The following CYP7B1 variants were observed in gnomAD, a reference collection of about 807,000 sequenced individuals.
The protein encoded by CYP7B1 is cytochrome P450 family 7 subfamily B member 1.
CYP7B1 carries 29 observed loss-of-function variants against 42.7 expected under a neutral mutation model. The observed-to-expected ratio is 0.68, with a 90% CI of 0.51 to 0.93. The LOEUF (loss-of-function observed/expected upper bound fraction) is 0.93. CYP7B1 is among the 40% of genes least tolerant of loss of function. The probability of loss-of-function intolerance (pLI) is 0.00; values close to 1 mark genes in which losing one functional copy is unlikely to be tolerated. For synonymous variants in CYP7B1, 235 were observed against 218.2 expected, an observed-to-expected ratio of 1.08 and a Z score of -0.68; for missense variants, 655 against 600.5, an observed-to-expected ratio of 1.09 and a Z score of -0.95.
In CYP7B1 at chr8:64,798,467, T is replaced by A. The variant is rs1804744717; in HGVS notation, c.121A>T (p.Arg41Trp). ...LALCLLVRRT[R>W]RPGEPPLIKG... The stretch of plus-strand genomic sequence containing the variant: ...TGGCCTGGCGGCCGAGGCGCTTACC[T>A]GGTGCGCCGGACAAGCAAGCAGAGG... Residue 41 changes from arginine to tryptophan, a missense_variant and splice_region_variant, in exon 1 of 6, where the codon AGG becomes TGG. Arg to Trp is a moderately radical substitution (Grantham distance 101). Coordinates refer to ENST00000310193, the MANE Select transcript of CYP7B1 (RefSeq NM_004820.5). 6.6e-7 allele frequency: 1 copy of A among 1,511,750 alleles called. No individual in the cohort carries two copies. The highest frequency in any genetic ancestry group is 8.8e-7 in the Non-Finnish European group (1 of 1,138,562). The allele number at this position is 1,511,750 out of a possible 1,614,324, so 93.6% of individuals were successfully genotyped here.
At chr8:64,703,182 C>A (rs745972931) in intron 1 of CYP7B1, among the ~76,000 whole-genome samples, 11 of 151,868 alleles carry the variant, frequency 7.2e-5, no homozygotes, top group Non-Finnish European at 1.2e-4. Flanking sequence ...ATACGAAATT[C>A]TATCTTTTTA....
intron 1 of CYP7B1, among the ~76,000 whole-genome samples, chr8:64,632,509 G>C (rs1012206546): frequency 2.0e-5 from 3 of 152,028 alleles, no homozygotes; most frequent in Non-Finnish European, 4.4e-5. Flanking sequence ...GTACAACATT[G>C]TATGTATAGT....
chr8:64,788,256 G>T (rs1367595403), intron 1 of CYP7B1, among the ~76,000 whole-genome samples: 1 of 152,186 alleles, frequency 6.6e-6, no homozygotes, highest in African/African-American at 2.4e-5. Context: ...TAATAGTAAG[G>T]GAATTGAAGG....
At chr8:64,625,232 C>T (rs1465539588) in intron 1 of CYP7B1, among the ~76,000 whole-genome samples, 10 of 152,146 alleles carry the variant, frequency 6.6e-5, no homozygotes, top group African/African-American at 1.4e-4. Flanking sequence ...CTCGGCCTCC[C>T]GAAGTGCTGG....
intron 1 of CYP7B1, among the ~76,000 whole-genome samples, chr8:64,745,491 T>C (rs1807630270): frequency 6.6e-6 from 1 of 152,208 alleles, no homozygotes; most frequent in Admixed American, 6.6e-5. Flanking sequence ...TCTACATTTA[T>C]AGTGTGCAGA....
chr8:64,640,899 G>A lies in CYP7B1; in HGVS notation c.123-16360C>T, dbSNP rs533692483. Among the ~76,000 whole-genome samples, 383 of 152,244 alleles carry A rather than the reference G, an allele frequency of 2.5e-3. 3 individuals are homozygous for A. The highest frequency in any genetic ancestry group is 3.9e-3 in the Non-Finnish European group (264 of 67,994). On this transcript the variant is annotated intron_variant, in intron 1 of 5. Transcript: ENST00000310193. ...AGCCCAGAGGTGATAATCCTATAAAGTAAATAAGCATAAGATGTTATCTCC... is the reference window on the plus strand; with the variant it reads ...AGCCCAGAGGTGATAATCCTATAAAATAAATAAGCATAAGATGTTATCTCC...
At chr8:64,688,605 G>T (rs1051740546) in intron 1 of CYP7B1, among the ~76,000 whole-genome samples, 1 of 152,154 alleles carries the variant, frequency 6.6e-6, no homozygotes, top group Non-Finnish European at 1.5e-5. Flanking sequence ...TTTGGGTTCT[G>T]GTTTTCTAGG....
At chr8:64,683,607 C>T (rs1418351656) in intron 1 of CYP7B1, among the ~76,000 whole-genome samples, 2 of 152,084 alleles carry the variant, frequency 1.3e-5, no homozygotes, top group African/African-American at 4.8e-5. Context: ...TTGCTTGTAA[C>T]TCAAAGGATA....
chr8:64,601,731 A>T (rs1265357519), intron 5 of CYP7B1, among the ~76,000 whole-genome samples: 1 of 152,202 alleles, frequency 6.6e-6, no homozygotes, highest in African/African-American at 2.4e-5. Flanking sequence ...TAAAAATTCA[A>T]ACCTTCACTC....
chr8:64,712,240 C>T (rs1170416474), intron 1 of CYP7B1, among the ~76,000 whole-genome samples: 3 of 151,738 alleles, frequency 2.0e-5, no homozygotes, highest in Non-Finnish European at 4.4e-5. Context: ...AAAATAGCAC[C>T]TTCACAGACA....
Position 64,615,069 on chromosome 8 carries a change from G to T in CYP7B1, c.1014C>A (p.Pro338=), listed in dbSNP as rs745511463. 1 of 1,613,668 alleles carries T rather than the reference G, an allele frequency of 6.2e-7. No homozygotes were observed. The highest frequency in any genetic ancestry group is 8.5e-7 in the Non-Finnish European group (1 of 1,179,730). ...CCAATTGTTCTCTGGTGAGGTGGATGGGAAATCCAGACCCTTTCTTTTGAC... is the reference window on the plus strand; with the variant it reads ...CCAATTGTTCTCTGGTGAGGTGGATTGGAAATCCAGACCCTTTCTTTTGAC... ...STGQKKGSGF[P]IHLTREQLDS... Residue 338 remains proline, a synonymous_variant, in exon 4 of 6, where the codon CCC becomes CCA. Coordinates refer to ENST00000310193, the MANE Select transcript of CYP7B1 (RefSeq NM_004820.5).
At chr8:64,716,267 T>G (rs903621183) in intron 1 of CYP7B1, among the ~76,000 whole-genome samples, 7 of 152,224 alleles carry the variant, frequency 4.6e-5, no homozygotes, top group Non-Finnish European at 7.3e-5. Context: ...TCCATGTTAG[T>G]CAGATAGCAT....
At chr8:64,686,801 T>G (rs1473039195) in intron 1 of CYP7B1, among the ~76,000 whole-genome samples, 1 of 70,332 alleles carries the variant, frequency 1.4e-5, no homozygotes, top group African/African-American at 6.3e-5. Context: ...TTCCTCTGCC[T>G]TGGGATCCTG....
chr8:64,738,520 A>C (rs369901201), intron 1 of CYP7B1, among the ~76,000 whole-genome samples: 3 of 152,118 alleles, frequency 2.0e-5, no homozygotes, highest in African/African-American at 7.2e-5. Context: ...ATCAGGATAG[A>C]ATATAATACA....
chr8:64,698,261 T>A (rs1806860217), intron 1 of CYP7B1, among the ~76,000 whole-genome samples: 1 of 152,132 alleles, frequency 6.6e-6, no homozygotes, highest in Admixed American at 6.6e-5. Flanking sequence ...TGGAGTGACC[T>A]TTGGTCTGCA....
chr8:64,733,210 C>A (rs1563408724), intron 1 of CYP7B1, among the ~76,000 whole-genome samples: 1 of 152,040 alleles, frequency 6.6e-6, no homozygotes, highest in Non-Finnish European at 1.5e-5. Context: ...TAACCATGTG[C>A]TAAAAAGAAA....
At position 64,798,662 on chromosome 8, in the gene CYP7B1, C is replaced by T; in HGVS notation, c.-75G>A. The T allele has an allele frequency of 7.1e-7, 1 of 1,407,790 alleles. No individual in the cohort carries two copies. The highest frequency in any genetic ancestry group is 9.2e-7 in the Non-Finnish European group (1 of 1,087,076). The allele number at this position is 1,407,790 out of a possible 1,614,324, so 87.2% of individuals were successfully genotyped here. On this transcript the variant is annotated 5_prime_UTR_variant, in exon 1 of 6. Transcript: ENST00000310193. ...GCGCGGTCGGCGACTCTGCAGCCTG[C>T]GGCGGCTTCTCTCGGCGGCGCCCCC...
At chr8:64,722,568 AAC>A (rs1428727445) in intron 1 of CYP7B1, among the ~76,000 whole-genome samples, 2 of 152,068 alleles carry the variant, frequency 1.3e-5, no homozygotes, top group Admixed American at 6.5e-5. Context: ...AAAATGAGAT[AAC>A]ACAGTAGTTT....
At chr8:64,771,492 T>G (rs1415912260) in intron 1 of CYP7B1, among the ~76,000 whole-genome samples, 4 of 152,214 alleles carry the variant, frequency 2.6e-5, no homozygotes, top group Non-Finnish European at 5.9e-5. Context: ...GCCAAATTGA[T>G]AGAATTCTTC....
Sources: allele counts gnomAD v4.1 joint callset (sites outside exome capture counted in the v4.1 genomes callset), GRCh38; gene constraint gnomAD v4.1.1; transcripts MANE v1.5; gene names NCBI Gene and HGNC (gene_info 2026-07-23, HGNC 2026-07-21).